TRIM9: variants seen among roughly 807,000 people sequenced by gnomAD.
The protein encoded by TRIM9 is E3 ubiquitin-protein ligase TRIM9.
TRIM9 carries 26 observed loss-of-function variants against 78.3 expected under a neutral mutation model. The observed-to-expected ratio is 0.33, with a 90% CI of 0.24 to 0.46. TRIM9 has a LOEUF of 0.46. TRIM9 is among the 20% of genes least tolerant of loss of function. The pLI, the probability that TRIM9 is intolerant of heterozygous loss-of-function variation, is 1.00. For missense variants in TRIM9, 787 were observed against 1,036.4 expected (o/e 0.76, Z 3.30); for synonymous variants, 398 against 416.5 (o/e 0.96, Z 0.54).
chr14:50,994,643 A>C (rs1205578728), intron 7 of TRIM9, among the ~76,000 whole-genome samples: 1 of 152,224 alleles, frequency 6.6e-6, no homozygotes, highest in Non-Finnish European at 1.5e-5. Context: ...ATGATTTTTT[A>C]AAACAGGAGT....
chr14:51,092,401 A>T (rs2064440324), intron 1 of TRIM9, among the ~76,000 whole-genome samples: 1 of 152,042 alleles, frequency 6.6e-6, no homozygotes, highest in Admixed American at 6.6e-5. Flanking sequence ...AATTAATGAC[A>T]TTTTTTTCTT....
chr14:51,012,048 T>A (rs1177361450), intron 3 of TRIM9, among the ~76,000 whole-genome samples: 2 of 152,252 alleles, frequency 1.3e-5, no homozygotes, highest in Non-Finnish European at 2.9e-5. Flanking sequence ...ATTTTTTTGT[T>A]CTTAATGTGT....
At chr14:51,021,144 G>C (rs773447997) in intron 3 of TRIM9, among the ~76,000 whole-genome samples, 39 of 152,290 alleles carry the variant, frequency 2.6e-4, no homozygotes, top group Non-Finnish European at 4.7e-4. Context: ...TCTGAAGGGT[G>C]CTCAGATTGA....
chr14:51,013,738 G>A lies in TRIM9; in HGVS notation c.1042-3244C>T, dbSNP rs17123479. On this transcript the variant is annotated intron_variant, in intron 3 of 12. Coordinates refer to ENST00000684578, the MANE Select transcript of TRIM9 (RefSeq NM_001387360.1). Reference sequence around the variant, plus strand: ...TGACAACCACCACCACCATATGTTGGTCTGGGCTCAATGAATACAAATTAT... The same window carrying A: ...TGACAACCACCACCACCATATGTTGATCTGGGCTCAATGAATACAAATTAT... Among the ~76,000 whole-genome samples, 1,382 of 152,110 alleles carry A rather than the reference G, an allele frequency of 9.1e-3. 30 individuals are homozygous for A. Among genetic ancestry groups the A allele is most frequent in the African/African-American group, 0.032 (1,317 of 41,482 alleles).
intron 7 of TRIM9, among the ~76,000 whole-genome samples, chr14:50,992,652 C>G (rs2053671647): frequency 6.6e-6 from 1 of 151,912 alleles, no homozygotes. Flanking sequence ...GCATCTGAGG[C>G]CAATTTGCAT....
chr14:51,009,524 C>T (rs2056295917), intron 4 of TRIM9, among the ~76,000 whole-genome samples: 1 of 152,144 alleles, frequency 6.6e-6, no homozygotes, highest in Non-Finnish European at 1.5e-5. Context: ...GACAGATTTA[C>T]TAAATGCCAA....
chr14:51,075,585 G>A (rs1273049953), intron 1 of TRIM9, among the ~76,000 whole-genome samples: 1 of 152,160 alleles, frequency 6.6e-6, no homozygotes, highest in Non-Finnish European at 1.5e-5. Flanking sequence ...TGTGCAGCTT[G>A]TTGCTTGTCC....
chr14:51,000,779 G>T lies in TRIM9; in HGVS notation c.1368C>A (p.Asn456Lys), dbSNP rs1336129280. The change falls in exon 6 of 13, where the codon AAC (asparagine) becomes AAA (lysine). Residue 456 changes from asparagine (N) to lysine (K), a missense_variant. Physicochemically the swap from Asn to Lys is moderately conservative, Grantham distance 94. This residue lies in a region of TRIM9 where 421 missense variants were observed against 514.3 expected (regional missense o/e 0.82). Coordinates refer to ENST00000684578, the MANE Select transcript of TRIM9 (RefSeq NM_001387360.1). ...LQLEECCTHN[N>K]SATLSWKQPP... is the part of the protein sequence containing the mutation. ...GCTGTTTCCAGGACAACGTAGCGCT[G>T]TTGTTGTGGGTACAACATTCCTCCA... 1 of 1,614,238 alleles carries T rather than the reference G, an allele frequency of 6.2e-7. No homozygotes were observed.
At chr14:51,037,119 C>T (rs748672092) in intron 1 of TRIM9, among the ~76,000 whole-genome samples, 39 of 152,144 alleles carry the variant, frequency 2.6e-4, no homozygotes, top group Non-Finnish European at 4.7e-4. Flanking sequence ...TGTGATTCCC[C>T]ATCACCTCAC....
At chr14:51,046,963 T>C (rs2140034422) in intron 1 of TRIM9, among the ~76,000 whole-genome samples, 1 of 152,344 alleles carries the variant, frequency 6.6e-6, no homozygotes. Flanking sequence ...TGGAAACATG[T>C]ATGTATAGTA....
intron 1 of TRIM9, among the ~76,000 whole-genome samples, chr14:51,088,002 C>A (rs1485485183): frequency 6.6e-6 from 1 of 152,170 alleles, no homozygotes; most frequent in Non-Finnish European, 1.5e-5. Context: ...AGGGGGACAA[C>A]ATGTATTCCA....
intron 7 of TRIM9, among the ~76,000 whole-genome samples, chr14:50,989,121 T>A (rs2053143629): frequency 6.6e-6 from 1 of 152,220 alleles, no homozygotes; most frequent in Non-Finnish European, 1.5e-5. Context: ...TTCCCTTTTC[T>A]GGGCTAAATA....
intron 1 of TRIM9, among the ~76,000 whole-genome samples, chr14:51,027,640 G>A (rs1389528900): frequency 6.6e-6 from 1 of 152,146 alleles, no homozygotes; most frequent in Non-Finnish European, 1.5e-5. Flanking sequence ...TGAGCCTACA[G>A]TTGCAAAATT....
Position 51,025,500 on chromosome 14 carries a change from AGGTAGATTCT to A in TRIM9, c.823-150_823-141del, listed in dbSNP as rs985968338. ...TGGACCTTTTTGCTGGCATTTGTAC[AGGTAGATTCT>A]GGTGTCGAAACTCCCTGTGCTCCTG... is the stretch of plus-strand genomic sequence containing the variant. On this transcript the variant is annotated intron_variant, in intron 1 of 12. Coordinates refer to ENST00000684578, the MANE Select transcript of TRIM9 (RefSeq NM_001387360.1). 2.0e-5 allele frequency: 14 copies of A among 691,610 alleles called. No individual in the cohort carries two copies. In the Admixed American group the frequency reaches 3.9e-4, roughly 19 times the overall value. 42.8% of individuals were successfully genotyped at this position (691,610 alleles called of 1,614,324 possible).
chr14:51,046,556 T>C (rs1258303816), intron 1 of TRIM9, among the ~76,000 whole-genome samples: 2 of 152,210 alleles, frequency 1.3e-5, no homozygotes, highest in East Asian at 1.9e-4. Context: ...CCACTTCAAA[T>C]GTGAAAAGCC....
At position 51,095,022 on chromosome 14, in the gene TRIM9, C is replaced by T; in HGVS notation, c.-83G>A. 1 of 1,091,528 alleles carries T rather than the reference C, an allele frequency of 9.2e-7. No individual in the cohort carries two copies. Among genetic ancestry groups the T allele is most frequent in the Non-Finnish European group, 1.2e-6 (1 of 832,044 alleles). 67.6% of individuals were successfully genotyped at this position (1,091,528 alleles called of 1,614,324 possible). Reference sequence around the variant, plus strand: ...TGGCCGACGGGCCCGTCTTGTCCAGCACCCTGGCCAGCGGCGGCGGCTGTG... The same window carrying T: ...TGGCCGACGGGCCCGTCTTGTCCAGTACCCTGGCCAGCGGCGGCGGCTGTG... On this transcript the variant is annotated 5_prime_UTR_variant, in exon 1 of 13. Transcript: ENST00000684578.
chr14:50,977,365 G>C lies in TRIM9; in HGVS notation c.2326-12C>G, dbSNP rs1402134512. The stretch of plus-strand genomic sequence containing the variant: ...GTGTGCAGCGTGACCTGGGGAATGA[G>C]ACTGTGAGTCCTGAGAGGCATCGTG... On this transcript the variant is annotated splice_polypyrimidine_tract_variant and intron_variant, in intron 12 of 12. Coordinates refer to ENST00000684578, the MANE Select transcript of TRIM9 (RefSeq NM_001387360.1). The C allele has an allele frequency of 1.3e-6, 2 of 1,526,740 alleles. No homozygotes were observed. The highest frequency in any genetic ancestry group is 3.9e-5 in the Admixed American group (2 of 51,020). 94.6% of individuals were successfully genotyped at this position (1,526,740 alleles called of 1,614,324 possible).
intron 6 of TRIM9, among the ~76,000 whole-genome samples, chr14:50,998,422 A>G (rs926474111): frequency 6.6e-6 from 1 of 152,200 alleles, no homozygotes; most frequent in African/African-American, 2.4e-5. Context: ...TTAATGTTGT[A>G]TATGCAGATT....
At chr14:51,038,792 C>T (rs907313973) in intron 1 of TRIM9, among the ~76,000 whole-genome samples, 1 of 152,198 alleles carries the variant, frequency 6.6e-6, no homozygotes, top group Non-Finnish European at 1.5e-5. Context: ...GAATCAACTA[C>T]TAAGTTTCAA....
Sources: allele counts gnomAD v4.1 joint callset (sites outside exome capture counted in the v4.1 genomes callset), GRCh38; gene constraint gnomAD v4.1.1; regional missense constraint gnomAD v4.1.1; transcripts MANE v1.5; gene names NCBI Gene and HGNC (gene_info 2026-07-23, HGNC 2026-07-21).